Variants in DMD observed in about 807,000 individuals in gnomAD.
The protein encoded by DMD is dystrophin.
A neutral mutation model predicts 330.1 loss-of-function variants in DMD; 63 were observed. The observed-to-expected ratio is 0.19, with a 90% confidence interval of 0.16 to 0.24. DMD has a LOEUF of 0.24. Ranked by LOEUF, DMD falls within the 10% of genes least tolerant of loss-of-function variation. The pLI is 1.00. For synonymous variants in DMD, 1,223 were observed against 959.8 expected, an observed-to-expected ratio of 1.27 and a Z score of -5.07; for missense variants, 3,344 against 2,684.1, an observed-to-expected ratio of 1.25 and a Z score of -5.43.
chrX:32,054,677 A>T (rs2096152065), intron 44 of DMD, among the ~76,000 whole-genome samples: 1 of 109,044 alleles, frequency 9.2e-6, no homozygotes, highest in African/African-American at 3.3e-5. Flanking sequence ...CATACAGGAC[A>T]TTGCTGATAC....
At chrX:31,861,971 A>ACACACC (rs758152168) in intron 48 of DMD, among the ~76,000 whole-genome samples, 1 of 108,770 alleles carries the variant, frequency 9.2e-6, no homozygotes, top group Non-Finnish European at 1.9e-5. Flanking sequence ...ACACACACAC[A>ACACACC]CACACCTACA....
chrX:32,085,013 C>T (rs1046683964), intron 44 of DMD, among the ~76,000 whole-genome samples: 6 of 111,124 alleles, frequency 5.4e-5, no homozygotes, highest in South Asian at 7.7e-4. Context: ...TGGGTTAGCA[C>T]GTGTCTTAAG....
intron 15 of DMD, among the ~76,000 whole-genome samples, chrX:32,566,778 T>A (rs757519262): frequency 8.9e-6 from 1 of 111,743 alleles, no homozygotes; most frequent in East Asian, 2.8e-4. Context: ...CTTTGCCTGA[T>A]ACACAGACAA....
At chrX:31,164,615 C>T (rs2039218828) in intron 74 of DMD, among the ~76,000 whole-genome samples, 1 of 111,643 alleles carries the variant, frequency 9.0e-6, no homozygotes, top group Non-Finnish European at 1.9e-5. Flanking sequence ...ATTTCTATCA[C>T]CTTACTTAAG....
chrX:31,585,972 C>A (rs2076585508), intron 55 of DMD, among the ~76,000 whole-genome samples: 1 of 110,532 alleles, frequency 9.0e-6, no homozygotes, highest in Non-Finnish European at 1.9e-5. Context: ...AGGGTTTGGT[C>A]TCTAGACCAA....
intron 28 of DMD, among the ~76,000 whole-genome samples, chrX:32,439,651 C>A (rs763061654): frequency 9.0e-6 from 1 of 111,202 alleles, no homozygotes; most frequent in East Asian, 2.8e-4. Flanking sequence ...AGAAGTCGTG[C>A]AGTTTTTCTA....
intron 44 of DMD, among the ~76,000 whole-genome samples, chrX:32,000,492 A>C (rs973486483): frequency 8.9e-6 from 1 of 112,190 alleles, no homozygotes; most frequent in Non-Finnish European, 1.9e-5. Flanking sequence ...GCTTCATGAA[A>C]TTACCTTAAA....
At chrX:32,649,696 G>A (rs1028634250) in intron 9 of DMD, among the ~76,000 whole-genome samples, 10 of 109,242 alleles carry the variant, frequency 9.2e-5, no homozygotes, top group Admixed American at 6.9e-4. Flanking sequence ...ACAATTTCTA[G>A]TCATAATTTC....
intron 52 of DMD, among the ~76,000 whole-genome samples, chrX:31,715,330 G>A: frequency 9.3e-6 from 1 of 106,956 alleles, no homozygotes; most frequent in East Asian, 3.0e-4. Context: ...GGATCACGAG[G>A]TCAGGAGATC....
At chrX:32,215,415 G>A (rs750144017) in intron 44 of DMD, among the ~76,000 whole-genome samples, 16 of 111,004 alleles carry the variant, frequency 1.4e-4, no homozygotes, top group African/African-American at 4.9e-4. Flanking sequence ...TTGCTTCATC[G>A]TAAAAGTACT....
intron 60 of DMD, among the ~76,000 whole-genome samples, chrX:31,385,176 C>A (rs751621192): frequency 7.1e-5 from 8 of 112,154 alleles, no homozygotes; most frequent in Admixed American, 6.6e-4. Context: ...AATTTCTCCT[C>A]TGCTGGTACA....
intron 50 of DMD, among the ~76,000 whole-genome samples, chrX:31,775,586 T>G (rs1396775793): frequency 9.0e-6 from 1 of 111,309 alleles, no homozygotes. Flanking sequence ...GCAAAATTAT[T>G]GGACTATGTA....
At chrX:32,321,641 ATAAT>A (rs766730897) in intron 41 of DMD, among the ~76,000 whole-genome samples, 2 of 111,770 alleles carry the variant, frequency 1.8e-5, no homozygotes, top group East Asian at 2.8e-4. Context: ...AGCTTGTTAA[ATAAT>A]TATTCATCAG....
chrX:33,023,203 ATTCT>A (rs1340628778), intron 1 of DMD, among the ~76,000 whole-genome samples: 11 of 111,942 alleles, frequency 9.8e-5, no homozygotes, highest in Non-Finnish European at 1.9e-4. Flanking sequence ...CCAAAATAAT[ATTCT>A]TTCTTTTTCA....
rs140575687 is a variant in DMD at position 32,310,257 on chromosome X, G to A, written c.5942C>T (p.Thr1981Met). Residue 1981 changes from threonine (T) to methionine (M), a missense_variant, in exon 42 of 79, where the codon ACG becomes ATG. Transcript: ENST00000357033. ...CATGTCTTCAGTCATCACCATCATC[G>A]TTTCTTCACGGACAGTGTGCTGGTA... ...FAQIHTVREE[T>M]MMVMTEDMPL... The A allele has an allele frequency of 6.5e-5, 78 of 1,206,542 alleles. No individual in the cohort carries two copies. The highest frequency in any genetic ancestry group is 8.3e-5 in the Non-Finnish European group (74 of 892,854).
At chrX:31,273,091 A>G (rs1028580329) in intron 62 of DMD, among the ~76,000 whole-genome samples, 2 of 111,921 alleles carry the variant, frequency 1.8e-5, no homozygotes, top group Non-Finnish European at 3.8e-5. Flanking sequence ...ATACTTTGTA[A>G]ATATTTATTT....
chrX:31,284,607 T>TCTTCTTCTTC (rs61693430), intron 62 of DMD, among the ~76,000 whole-genome samples: 16 of 102,027 alleles, frequency 1.6e-4, no homozygotes, highest in South Asian at 4.5e-4. Flanking sequence ...TTCTTCTTCT[T>TCTTCTTCTTC]TTTTTTGGCA....
chrX:32,956,834 C>T (rs1001520641), intron 2 of DMD, among the ~76,000 whole-genome samples: 5 of 111,252 alleles, frequency 4.5e-5, no homozygotes, highest in African/African-American at 1.6e-4. Flanking sequence ...CCTGCCCACA[C>T]CCCAGTGAAA....
intron 1 of DMD, among the ~76,000 whole-genome samples, chrX:33,164,783 G>C (rs762545335): frequency 1.8e-5 from 2 of 110,993 alleles, no homozygotes; most frequent in African/African-American, 6.5e-5. Context: ...CTCCTGGGCT[G>C]ATCTATTAGC....
Sources: gnomAD v4.1 joint callset for allele counts (sites outside exome capture counted in the v4.1 genomes callset) on GRCh38, gnomAD v4.1.1 for gene constraint, MANE v1.5 for transcripts, NCBI Gene and HGNC (gene_info 2026-07-23, HGNC 2026-07-21) for gene names.